Variants in EVC observed in about 807,000 individuals in gnomAD.
EVC encodes the protein evC complex member EVC.
A neutral mutation model predicts 118.9 loss-of-function variants in EVC; 116 were observed. That is an observed-to-expected ratio of 0.98 (90% CI 0.84 to 1.14). The LOEUF is 1.14. EVC is among the 50% of genes most tolerant of loss of function. EVC has a pLI of 0.00. For synonymous variants in EVC, 619 were observed against 534.7 expected, an observed-to-expected ratio of 1.16 and a Z score of -2.18; for missense variants, 1,401 against 1,246.4, an observed-to-expected ratio of 1.12 and a Z score of -1.87.
In EVC at chr4:5,793,483, T is replaced by A; in HGVS notation, c.1777-125T>A. 2.4e-6 allele frequency: 2 copies of A among 817,792 alleles called. 1 individual carries two copies. Among genetic ancestry groups the A allele is most frequent in the South Asian group, 2.9e-5 (2 of 68,472 alleles). The allele number at this position is 817,792 out of a possible 1,614,324, so 50.7% of individuals were successfully genotyped here. ...AATACAAGAGAAAATGTTAATGAAA[T>A]CGGGGCAGAAAGGGATTTAAAAAAG... On this transcript the variant is annotated intron_variant, in intron 12 of 20. Transcript: ENST00000264956.
At position 5,783,746 on chromosome 4, in the gene EVC, C is replaced by A; in HGVS notation, c.1758C>A (p.Leu586=). Residue 586 remains leucine (L), a synonymous_variant, in exon 12 of 21, where the codon CTC becomes CTA. Coordinates refer to ENST00000264956, the MANE Select transcript of EVC (RefSeq NM_153717.3). ...AGCAGTGGAAACTCTTCCAGGAGCT[C>A]CTAGAGCAAGACCAGCAGGTGCGGG... ...RRQQWKLFQE[L]LEQDQQVWME... is the part of the protein sequence containing the mutation. The A allele has an allele frequency of 1.9e-6, 3 of 1,612,620 alleles. No individual in the cohort carries two copies. The highest frequency in any genetic ancestry group is 2.5e-6 in the Non-Finnish European group (3 of 1,179,354).
rs183606935 is a variant in EVC at position 5,778,288 on chromosome 4, G to A, written c.1564-5264G>A. Among the ~76,000 whole-genome samples, 21 of 152,012 alleles carry A rather than the reference G, an allele frequency of 1.4e-4. No homozygotes were observed. In the East Asian group the frequency reaches 2.1e-3, roughly 15 times the overall value. On this transcript the variant is annotated intron_variant, in intron 11 of 20. Coordinates refer to ENST00000264956, the MANE Select transcript of EVC (RefSeq NM_153717.3). The stretch of plus-strand genomic sequence containing the variant: ...AGTCTTTGCTATTGTGAATAGTGCC[G>A]CAGTAAACATACGTGTGCATATGTC...
intron 5 of EVC, among the ~76,000 whole-genome samples, chr4:5,739,828 G>T (rs1279224624): frequency 3.3e-5 from 5 of 151,216 alleles, no homozygotes; most frequent in African/African-American, 1.2e-4. Context: ...CACTTTGGGA[G>T]GTGGAGGCAG....
In EVC at chr4:5,775,423, G is replaced by A. The variant is rs1026954595; in HGVS notation, c.1564-8129G>A. Among the ~76,000 whole-genome samples the A allele has an allele frequency of 7.9e-5, 12 of 152,090 alleles. 1 individual carries two copies. Among genetic ancestry groups the A allele is most frequent in the Admixed American group, 4.6e-4 (7 of 15,274 alleles). On this transcript the variant is annotated intron_variant, in intron 11 of 20. Transcript: ENST00000264956. ...CCCTGCTCCCAGGAGCCATCATCCA[G>A]CTGATACAGAAATCAGATCCCTAGT...
At chr4:5,821,944 TGG>T in the EVC span, 4 of 963,882 alleles carry the variant, frequency 4.1e-6, no homozygotes, top group Non-Finnish European at 4.4e-6. This position sits in a 1 kb window ranked among gnomAD's most constrained non-coding sequence, Gnocchi z 4.4. Context: ...TGCACTCCAC[TGG>T]ACCCACCTTC....
At chr4:5,816,494 C>A (rs546038907), downstream of EVC, among the ~76,000 whole-genome samples, 33 of 152,304 alleles carry the variant, frequency 2.2e-4, no homozygotes, top group African/African-American at 7.9e-4. Context: ...CCCAGGACTT[C>A]TTGCTCTACC....
At chr4:5,785,140 G>A (rs994507117) in intron 12 of EVC, among the ~76,000 whole-genome samples, 2 of 152,120 alleles carry the variant, frequency 1.3e-5, no homozygotes, top group African/African-American at 2.4e-5. Flanking sequence ...TACCAGAGCC[G>A]GTTTTGCTTG....
Position 5,757,542 on chromosome 4 carries a change from G to A in EVC, c.1563+1180G>A, listed in dbSNP as rs116288206. On this transcript the variant is annotated intron_variant, in intron 11 of 20. Coordinates refer to ENST00000264956, the MANE Select transcript of EVC (RefSeq NM_153717.3). ...TCTGGAGGCTGAAGCCCGAGATCAC[G>A]GTGCCAACAGGATTGACTTCTGGTG... is the stretch of plus-strand genomic sequence containing the variant. Among the ~76,000 whole-genome samples, 498 of 152,342 alleles carry A rather than the reference G, an allele frequency of 3.3e-3. 1 individual carries two copies. The highest frequency in any genetic ancestry group is 5.1e-3 in the Non-Finnish European group (349 of 68,032).
intron 15 of EVC, among the ~76,000 whole-genome samples, chr4:5,799,965 C>T (rs1463129310): frequency 1.3e-5 from 2 of 152,192 alleles, no homozygotes; most frequent in African/African-American, 4.8e-5. Context: ...AGAAGGGTGT[C>T]GTATTTTGTC....
chr4:5,766,099 G>A lies in EVC; in HGVS notation c.1563+9737G>A, dbSNP rs1024468607. Among the ~76,000 whole-genome samples, 69 of 137,094 alleles carry A rather than the reference G, an allele frequency of 5.0e-4. 2 individuals are homozygous for A. Among genetic ancestry groups the A allele is most frequent in the Non-Finnish European group, 6.8e-4 (43 of 63,274 alleles). The allele number at this position is 137,094 out of a possible 152,430, so 89.9% of individuals were successfully genotyped here. ...CAGGAGCTCTTTTAGGGCAGGCCTGGTGGTGACAAAATCTCTCAGCATTTG... is the reference window on the plus strand; with the variant it reads ...CAGGAGCTCTTTTAGGGCAGGCCTGATGGTGACAAAATCTCTCAGCATTTG... On this transcript the variant is annotated intron_variant, in intron 11 of 20. Transcript: ENST00000264956.
chr4:5,823,698 T>C, the EVC span, among the ~76,000 whole-genome samples: 1 of 152,248 alleles, frequency 6.6e-6, no homozygotes, highest in Admixed American at 6.5e-5. Flanking sequence ...CTAGCTCTCC[T>C]TCGCCTTCTG....
rs549720489 is a variant in EVC at position 5,812,411 on chromosome 4, G to C, written c.*1374G>C. The C allele has an allele frequency of 3.5e-4, 59 of 169,458 alleles. 1 individual carries two copies. The South Asian group carries it at 7.5e-3, about 22-fold the overall frequency. The allele number at this position is 169,458 out of a possible 1,614,324, so 10.5% of individuals were successfully genotyped here. On this transcript the variant is annotated 3_prime_UTR_variant, in exon 21 of 21. Coordinates refer to ENST00000264956, the MANE Select transcript of EVC (RefSeq NM_153717.3). ...AGCCAGGAGAGGCCTTTCCCGCCTG[G>C]AGAGAAGCTTCAGGCCAGCTCCTCA...
At chr4:5,718,089 T>A (rs1238397375) in intron 1 of EVC, among the ~76,000 whole-genome samples, 1 of 152,194 alleles carries the variant, frequency 6.6e-6, no homozygotes, top group Non-Finnish European at 1.5e-5. Flanking sequence ...AAGGGGAAGT[T>A]GAGAAGTGTC....
At chr4:5,816,734 C>T (rs1717760056), downstream of EVC, among the ~76,000 whole-genome samples, 1 of 149,164 alleles carries the variant, frequency 6.7e-6, no homozygotes, top group Non-Finnish European at 1.5e-5. Flanking sequence ...CATCATGGGG[C>T]TGTCAGCTGC....
chr4:5,777,248 A>G (rs1316674501), intron 11 of EVC, among the ~76,000 whole-genome samples: 2 of 152,208 alleles, frequency 1.3e-5, no homozygotes, highest in African/African-American at 4.8e-5. Flanking sequence ...AGGGCTTAAA[A>G]TATCCTGGGC....
In EVC at chr4:5,731,244, G is replaced by T. The variant is rs1726759239; in HGVS notation, c.385-181G>T. Reference sequence around the variant, plus strand: ...AAGTGAACTGTGATTCGGGCCTCTGGGCTGTCGATGTGGCAGAACCTGGGA... The same window carrying T: ...AAGTGAACTGTGATTCGGGCCTCTGTGCTGTCGATGTGGCAGAACCTGGGA... On this transcript the variant is annotated intron_variant, in intron 3 of 20. Coordinates refer to ENST00000264956, the MANE Select transcript of EVC (RefSeq NM_153717.3). The surrounding 1 kb of genome is among the most constrained non-coding windows in gnomAD (Gnocchi z 5.6). Among the ~76,000 whole-genome samples the T allele has an allele frequency of 6.6e-6, 1 of 151,976 alleles. No homozygotes were observed. The highest frequency in any genetic ancestry group is 2.4e-5 in the African/African-American group (1 of 41,362).
chr4:5,798,796 T>G lies in EVC; in HGVS notation c.2304+4T>G, dbSNP rs375592662. 13 of 1,610,124 alleles carry G rather than the reference T, an allele frequency of 8.1e-6. No homozygotes were observed. Among genetic ancestry groups the G allele is most frequent in the Non-Finnish European group, 9.3e-6 (11 of 1,179,700 alleles). ...CAAGGACAGGGATGACTTCAAGGTA[T>G]GCACTGACCTCTGTCCCTGGGGACA... On this transcript the variant is annotated splice_donor_region_variant and intron_variant, in intron 15 of 20. Transcript: ENST00000264956. This position sits in a 1 kb window ranked among gnomAD's most constrained non-coding sequence, Gnocchi z 4.1.
Position 5,755,861 on chromosome 4 carries a change from C to T in EVC, c.1465-403C>T, listed in dbSNP as rs1405095468. On this transcript the variant is annotated intron_variant, in intron 10 of 20. Transcript: ENST00000264956. The surrounding 1 kb of genome is among the most constrained non-coding windows in gnomAD (Gnocchi z 4.1). ...CCTCCACCCCGTGGTCACAGTGGGG[C>T]CTGGCTGGTTGCTGACTGCACTGAC... 6.6e-6 allele frequency among the ~76,000 whole-genome samples: 1 copy of T among 152,180 alleles called. No individual in the cohort carries two copies. The highest frequency in any genetic ancestry group is 2.4e-5 in the African/African-American group (1 of 41,446).
At chr4:5,817,941 T>C (rs1717954089), downstream of EVC, among the ~76,000 whole-genome samples, 1 of 152,234 alleles carries the variant, frequency 6.6e-6, no homozygotes, top group Non-Finnish European at 1.5e-5. Context: ...TCTGTCTCAC[T>C]TTTTAAGAGT....
Sources: gnomAD v4.1 joint callset for allele counts (sites outside exome capture counted in the v4.1 genomes callset) on GRCh38, gnomAD v4.1.1 for gene constraint, Gnocchi (gnomAD v3.1) non-coding constraint, MANE v1.5 for transcripts, NCBI Gene and HGNC (gene_info 2026-07-23, HGNC 2026-07-21) for gene names.